The following GTF2B variants were observed in gnomAD, a reference collection of about 807,000 sequenced individuals.
GTF2B encodes the protein general transcription factor IIB.
Under a neutral mutation model 34.6 loss-of-function variants are expected in GTF2B, and 20 were observed. The ratio of observed to expected loss-of-function variants is 0.58; its 90% CI spans 0.41 to 0.84. GTF2B has a LOEUF of 0.84. GTF2B is among the 40% of genes least tolerant of loss of function. The probability of loss-of-function intolerance (pLI) is 0.00; values close to 1 mark genes in which losing one functional copy is unlikely to be tolerated. For missense variants in GTF2B, 237 were observed against 393.3 expected (o/e 0.60, Z 3.36); for synonymous variants, 142 against 132.4 (o/e 1.07, Z -0.50).
chr1:88,882,904 G>A (rs1053930031), intron 2 of GTF2B, among the ~76,000 whole-genome samples: 5 of 152,118 alleles, frequency 3.3e-5, no homozygotes, highest in Admixed American at 3.3e-4. Context: ...CCCCTTAACT[G>A]TACAGTGAAA....
intron 2 of GTF2B, among the ~76,000 whole-genome samples, chr1:88,885,266 C>T (rs923560167): frequency 6.7e-6 from 1 of 148,226 alleles, no homozygotes; most frequent in Non-Finnish European, 1.5e-5. Flanking sequence ...TGCTGAAACC[C>T]TGTCTCTACT....
chr1:88,863,445 G>C (rs1673488467), intron 3 of GTF2B, among the ~76,000 whole-genome samples: 1 of 152,104 alleles, frequency 6.6e-6, no homozygotes, highest in African/African-American at 2.4e-5. Context: ...CTGGGTTCAA[G>C]CAATTCTTCT....
chr1:88,887,363 CCAAACTAAAAGAAAAAAGTTGTATTTTT>C lies in GTF2B; in HGVS notation c.18-24_21del. 1 of 1,595,708 alleles carries C rather than the reference CCAAACTAAAAGAAAAAAGTTGTATTTTT, an allele frequency of 6.3e-7. No individual in the cohort carries two copies. Among genetic ancestry groups the C allele is most frequent in the South Asian group, 1.1e-5 (1 of 90,710 alleles). ...GGACATGTGACTCTTGGAAGAGCAT[CCAAACTAAAAGAAAAAAGTTGTATTTTT>C]ACATCTTCCCAACCAACATGTATCA... On this transcript the variant is annotated splice_acceptor_variant and splice_polypyrimidine_tract_variant and coding_sequence_variant and intron_variant, in exon 2 of 7. Coordinates refer to ENST00000370500, the MANE Select transcript of GTF2B (RefSeq NM_001514.6). LOFTEE classifies it high-confidence loss of function.
chr1:88,883,140 T>G (rs1673985634), intron 2 of GTF2B, among the ~76,000 whole-genome samples: 1 of 152,226 alleles, frequency 6.6e-6, no homozygotes, highest in South Asian at 2.1e-4. Flanking sequence ...TACTGCACTT[T>G]ATGTTTCACA....
intron 6 of GTF2B, among the ~76,000 whole-genome samples, chr1:88,855,871 C>G (rs758001084): frequency 6.6e-6 from 1 of 152,346 alleles, no homozygotes; most frequent in Admixed American, 6.5e-5. Flanking sequence ...GGCCAGGAGG[C>G]TGGTCACCGC....
chr1:88,863,486 A>G (rs758516533), intron 3 of GTF2B, among the ~76,000 whole-genome samples: 2 of 152,104 alleles, frequency 1.3e-5, no homozygotes, highest in African/African-American at 2.4e-5. Context: ...CTGGGACTAC[A>G]GGTGCCCGCC....
At chr1:88,857,136 T>C in intron 6 of GTF2B, 70 bp downstream of exon 6, 4 of 1,419,014 alleles carry the variant, frequency 2.8e-6, no homozygotes, top group Non-Finnish European at 3.9e-6. Context: ...CGGTTCAGAC[T>C]TAAAATGGAA....
At chr1:88,856,266 C>CAAAAACA (rs1673302137) in intron 6 of GTF2B, among the ~76,000 whole-genome samples, 1 of 5,940 alleles carries the variant, frequency 1.7e-4, no homozygotes, top group African/African-American at 8.5e-4. Flanking sequence ...GAGACTGTTT[C>CAAAAACA]AAAAACAAAA....
At chr1:88,873,287 T>TCC (rs1673742786) in intron 2 of GTF2B, among the ~76,000 whole-genome samples, 1 of 151,216 alleles carries the variant, frequency 6.6e-6, no homozygotes, top group Non-Finnish European at 1.5e-5. Context: ...CCTCCCAAGT[T>TCC]CAAGTGATTC....
At chr1:88,888,889 G>A (rs1430840463) in intron 1 of GTF2B, among the ~76,000 whole-genome samples, 1 of 152,174 alleles carries the variant, frequency 6.6e-6, no homozygotes, top group South Asian at 2.1e-4. Context: ...CAAAGGAGGG[G>A]GAATGACTGA....
chr1:88,885,451 CA>C (rs942195737), intron 2 of GTF2B, among the ~76,000 whole-genome samples: 51 of 138,830 alleles, frequency 3.7e-4, no homozygotes, highest in Non-Finnish European at 7.3e-4. Flanking sequence ...AACTCTGTAT[CA>C]AAAAAAAAAC....
At chr1:88,880,691 T>C (rs1458350196) in intron 2 of GTF2B, among the ~76,000 whole-genome samples, 4 of 152,260 alleles carry the variant, frequency 2.6e-5, no homozygotes, top group African/African-American at 4.8e-5. Context: ...GATAAGTTAA[T>C]GTACCTGAGT....
Position 88,871,807 on chromosome 1 carries a change from C to T in GTF2B, c.125-7693G>A, listed in dbSNP as rs186881766. Among the ~76,000 whole-genome samples, 34 of 152,276 alleles carry T rather than the reference C, an allele frequency of 2.2e-4. No homozygotes were observed. The East Asian group carries it at 5.0e-3, about 22-fold the overall frequency. The stretch of plus-strand genomic sequence containing the variant: ...AATGCAATGGGGTAATCTCAGCTCA[C>T]GGCAACCTCCGCCTTGCAGGTTCAA... On this transcript the variant is annotated intron_variant, in intron 2 of 6. Transcript: ENST00000370500.
At chr1:88,875,789 T>G (rs770311884) in intron 2 of GTF2B, among the ~76,000 whole-genome samples, 4 of 152,232 alleles carry the variant, frequency 2.6e-5, no homozygotes, top group Non-Finnish European at 5.9e-5. Context: ...GCTCCAGGGT[T>G]TGCTTACAGC....
chr1:88,859,644 T>G (rs1673391715), intron 5 of GTF2B, among the ~76,000 whole-genome samples: 1 of 152,150 alleles, frequency 6.6e-6, no homozygotes, highest in South Asian at 2.1e-4. Flanking sequence ...GAGACCAGCC[T>G]GGCCAACATG....
intron 2 of GTF2B, among the ~76,000 whole-genome samples, chr1:88,869,342 G>A (rs1436975841): frequency 6.6e-6 from 1 of 152,210 alleles, no homozygotes; most frequent in East Asian, 1.9e-4. Context: ...CTGAGGGATG[G>A]AGTGAGTGTA....
chr1:88,868,518 T>C (rs1309839506), intron 2 of GTF2B, among the ~76,000 whole-genome samples: 1 of 152,232 alleles, frequency 6.6e-6, no homozygotes, highest in Non-Finnish European at 1.5e-5. Context: ...ACACATTAGC[T>C]CTCAATCCAT....
At chr1:88,887,592 A>C (rs1007972211) in intron 1 of GTF2B, 1 of 450,232 alleles carries the variant, frequency 2.2e-6, no homozygotes, top group Non-Finnish European at 4.1e-6. Context: ...TTATTGTGGA[A>C]GGCTTTCAAA....
At chr1:88,857,663 T>C (rs1322675123) in intron 5 of GTF2B, among the ~76,000 whole-genome samples, 176 bp from the exon 6 acceptor site, 1 of 150,782 alleles carries the variant, frequency 6.6e-6, no homozygotes, top group Admixed American at 6.6e-5. Context: ...ACTGCAAATT[T>C]CTCAGTTAAC....
Sources: gnomAD v4.1 joint callset for allele counts (sites outside exome capture counted in the v4.1 genomes callset) on GRCh38, gnomAD v4.1.1 for gene constraint, MANE v1.5 for transcripts, NCBI Gene and HGNC (gene_info 2026-07-23, HGNC 2026-07-21) for gene names.